Variants in BMAL1 observed in about 807,000 individuals in gnomAD.
BMAL1 encodes basic helix-loop-helix ARNT like 1.
chr11:13,366,857 G>A, the BMAL1 span: 4 of 1,217,430 alleles, frequency 3.3e-6, no homozygotes, highest in Non-Finnish European at 4.8e-6. Flanking sequence ...GCAGAGGGCG[G>A]GTGTGTGTGA....
At chr11:13,377,448 C>CT in the BMAL1 span, among the ~76,000 whole-genome samples, 1 of 152,218 alleles carries the variant, frequency 6.6e-6, no homozygotes, top group African/African-American at 2.4e-5. Flanking sequence ...CCTTCTATCT[C>CT]TTAAACTTCG....
the BMAL1 span, chr11:13,374,325 A>G: frequency 2.5e-6 from 2 of 802,290 alleles, no homozygotes; most frequent in South Asian, 1.6e-5. Context: ...AGGACTCTTC[A>G]GGTCAGAACA....
chr11:13,329,607 A>G, the BMAL1 span, among the ~76,000 whole-genome samples: 1 of 152,220 alleles, frequency 6.6e-6, no homozygotes, highest in Non-Finnish European at 1.5e-5. Context: ...AGTTTCTCTC[A>G]GCGAGAATGT....
the BMAL1 span, among the ~76,000 whole-genome samples, chr11:13,361,209 A>C: frequency 6.6e-6 from 1 of 152,130 alleles, no homozygotes; most frequent in Non-Finnish European, 1.5e-5. Context: ...TGTCTTGCTA[A>C]ATCTCTGCTG....
chr11:13,296,943 C>A, the BMAL1 span, among the ~76,000 whole-genome samples: 1 of 152,184 alleles, frequency 6.6e-6, no homozygotes, highest in Non-Finnish European at 1.5e-5. Flanking sequence ...ACAGTGTTGT[C>A]AGGAGTTCTT....
the BMAL1 span, chr11:13,369,490 A>G: frequency 1.8e-6 from 2 of 1,088,608 alleles, no homozygotes; most frequent in East Asian, 4.9e-5. Flanking sequence ...AACTTGGGAG[A>G]TATTTATCTC....
chr11:13,278,568 G>A, the BMAL1 span, among the ~76,000 whole-genome samples: 1 of 152,238 alleles, frequency 6.6e-6, no homozygotes, highest in Non-Finnish European at 1.5e-5. Flanking sequence ...CTGTAGCCAG[G>A]GCTGGCGCTG....
the BMAL1 span, among the ~76,000 whole-genome samples, chr11:13,284,234 G>GTA: frequency 7.0e-4 from 3 of 4,300 alleles, no homozygotes; most frequent in African/African-American, 1.8e-3. Flanking sequence ...ATATGTGTGT[G>GTA]TATATATATA....
chr11:13,375,643 T>A, the BMAL1 span: 1 of 1,581,874 alleles, frequency 6.3e-7, no homozygotes, highest in Non-Finnish European at 8.5e-7. Context: ...TTACAACTAA[T>A]TGCTATAAAT....
chr11:13,342,482 G>A, the BMAL1 span, among the ~76,000 whole-genome samples: 1 of 152,166 alleles, frequency 6.6e-6, no homozygotes, highest in African/African-American at 2.4e-5. Flanking sequence ...GCTGTTAGAT[G>A]TGAGGTGATA....
the BMAL1 span, among the ~76,000 whole-genome samples, chr11:13,306,511 T>C: frequency 6.6e-6 from 1 of 152,200 alleles, no homozygotes; most frequent in South Asian, 2.1e-4. Context: ...CTAGGCATTG[T>C]AGAGCAGATC....
At chr11:13,332,421 G>A in the BMAL1 span, among the ~76,000 whole-genome samples, 1 of 152,166 alleles carries the variant, frequency 6.6e-6, no homozygotes, top group Non-Finnish European at 1.5e-5. Flanking sequence ...TCAGAGTTGA[G>A]AACATATAAA....
the BMAL1 span, among the ~76,000 whole-genome samples, chr11:13,371,759 G>C: frequency 6.4e-3 from 976 of 152,244 alleles, 9 homozygotes; most frequent in African/African-American, 0.022. Context: ...CAACCACACA[G>C]AGCTCTTGGC....
At chr11:13,284,264 ATATTTTT>A in the BMAL1 span, among the ~76,000 whole-genome samples, 5,117 of 34,732 alleles carry the variant, frequency 0.15, 619 homozygotes, top group Admixed American at 0.25. Flanking sequence ...ATATATATAT[ATATTTTT>A]TTTTTTAATG....
the BMAL1 span, among the ~76,000 whole-genome samples, chr11:13,309,051 C>G: frequency 5.3e-5 from 8 of 152,044 alleles, no homozygotes; most frequent in African/African-American, 1.9e-4. Flanking sequence ...GAACTGTACA[C>G]TTAAAAATGG....
the BMAL1 span, among the ~76,000 whole-genome samples, chr11:13,312,325 G>T: frequency 6.6e-6 from 1 of 152,200 alleles, no homozygotes; most frequent in South Asian, 2.1e-4. Flanking sequence ...GGCTTATGCT[G>T]CTTCCTACTT....
the BMAL1 span, among the ~76,000 whole-genome samples, chr11:13,280,627 C>T: frequency 3.9e-5 from 6 of 152,206 alleles, no homozygotes; most frequent in South Asian, 1.2e-3. Flanking sequence ...AATATCCTTT[C>T]TAGACCTTGA....
At chr11:13,332,698 C>T in the BMAL1 span, among the ~76,000 whole-genome samples, 1 of 152,190 alleles carries the variant, frequency 6.6e-6, no homozygotes, top group African/African-American at 2.4e-5. Flanking sequence ...TTGAACATTT[C>T]ACTGTGTTCT....
At chr11:13,370,538 C>A in the BMAL1 span, among the ~76,000 whole-genome samples, 6 of 152,188 alleles carry the variant, frequency 3.9e-5, no homozygotes, top group Non-Finnish European at 5.9e-5. Context: ...GGGAGGTGCC[C>A]TCACTTCTGC....
Sources: gnomAD v4.1 joint callset for allele counts (sites outside exome capture counted in the v4.1 genomes callset) on GRCh38, gnomAD v4.1.1 for gene constraint, MANE v1.5 for transcripts, NCBI Gene and HGNC (gene_info 2026-07-23, HGNC 2026-07-21) for gene names.